Variants in GAB2 observed in about 807,000 individuals in gnomAD.
GAB2 encodes the protein GRB2 associated binding protein 2, also known as GRB2-associated-binding protein 2.
In GAB2, 26 loss-of-function variants were observed where a neutral mutation model predicts 65.5. The ratio of observed to expected loss-of-function variants is 0.40; its 90% confidence interval spans 0.29 to 0.55. GAB2 has a LOEUF of 0.55. Ranked by LOEUF, GAB2 falls within the 20% of genes least tolerant of loss-of-function variation. The pLI, the probability that GAB2 is intolerant of heterozygous loss-of-function variation, is 0.53. For missense variants in GAB2, 884 were observed against 875.8 expected, an observed-to-expected ratio of 1.01 and a Z score of -0.12; for synonymous variants, 321 against 329.6, an observed-to-expected ratio of 0.97 and a Z score of 0.28.
At chr11:78,394,412 C>T (rs1027835972) in intron 1 of GAB2, among the ~76,000 whole-genome samples, 1 of 152,208 alleles carries the variant, frequency 6.6e-6, no homozygotes, top group Non-Finnish European at 1.5e-5. Flanking sequence ...GAGGGGAAAT[C>T]TTGGATTCCC....
intron 1 of GAB2, among the ~76,000 whole-genome samples, chr11:78,374,657 T>C (rs1386637426): frequency 6.6e-6 from 1 of 152,232 alleles, no homozygotes; most frequent in Non-Finnish European, 1.5e-5. Flanking sequence ...CTTTAAGGGT[T>C]TGATATTTTA....
At chr11:78,346,486 C>T (rs951569128) in intron 1 of GAB2, among the ~76,000 whole-genome samples, 13 of 151,654 alleles carry the variant, frequency 8.6e-5, no homozygotes, top group Admixed American at 3.3e-4. Context: ...GGGTGATTTG[C>T]TAGCTATGTA....
intron 1 of GAB2, among the ~76,000 whole-genome samples, chr11:78,403,903 CTT>C (rs1036825158): frequency 6.6e-6 from 1 of 151,336 alleles, no homozygotes; most frequent in Non-Finnish European, 1.5e-5. Flanking sequence ...GCATTCAGTT[CTT>C]TTTTTTTGTA....
chr11:78,235,235 C>T (rs976642880), intron 3 of GAB2, among the ~76,000 whole-genome samples: 2 of 151,920 alleles, frequency 1.3e-5, no homozygotes, highest in Non-Finnish European at 2.9e-5. Flanking sequence ...TCACTGCAAG[C>T]TCCGCCTCCC....
intron 1 of GAB2, among the ~76,000 whole-genome samples, chr11:78,398,724 C>T (rs554970000): frequency 1.1e-3 from 164 of 152,314 alleles, no homozygotes; most frequent in African/African-American, 3.5e-3. Flanking sequence ...AATTAGCACC[C>T]TTAGTGCCCA....
In GAB2 at chr11:78,416,316, G is replaced by C. The variant is rs1338595832; in HGVS notation, c.75+1330C>G. ...CCAGCAAACATCTACCTAAGAGCCT[G>C]ATTTCATTGACACACACTTGTACTC... On this transcript the variant is annotated intron_variant, in intron 1 of 9. Transcript: ENST00000361507. Among the ~76,000 whole-genome samples, 3 of 152,146 alleles carry C rather than the reference G, an allele frequency of 2.0e-5. No individual in the cohort carries two copies. In the South Asian group the frequency reaches 6.2e-4, roughly 32 times the overall value.
chr11:78,262,982 C>G (rs575134539), intron 2 of GAB2, among the ~76,000 whole-genome samples: 1 of 152,320 alleles, frequency 6.6e-6, no homozygotes, highest in South Asian at 2.1e-4. Flanking sequence ...AACAGCAAAG[C>G]TGAGTAGTTG....
intron 3 of GAB2, among the ~76,000 whole-genome samples, chr11:78,228,154 A>T (rs1252867484): frequency 2.0e-5 from 3 of 152,172 alleles, no homozygotes; most frequent in African/African-American, 7.2e-5. Context: ...ATGATTTCTA[A>T]GGGCCCATCT....
intron 3 of GAB2, among the ~76,000 whole-genome samples, chr11:78,235,847 C>CA (rs769035706): frequency 6.6e-6 from 1 of 152,190 alleles, no homozygotes; most frequent in Non-Finnish European, 1.5e-5. Context: ...CTGAGCCCTC[C>CA]AAACTGTTCC....
chr11:78,374,627 A>T (rs1856610677), intron 1 of GAB2, among the ~76,000 whole-genome samples: 1 of 152,260 alleles, frequency 6.6e-6, no homozygotes, highest in African/African-American at 2.4e-5. Context: ...TAAAAATACA[A>T]AGATGAATAC....
chr11:78,246,728 A>T (rs1220139456), intron 3 of GAB2, among the ~76,000 whole-genome samples: 1 of 152,078 alleles, frequency 6.6e-6, no homozygotes, highest in Non-Finnish European at 1.5e-5. Context: ...TCAACTCCTG[A>T]CCTCAGGTGA....
At chr11:78,239,923 T>C (rs1214638781) in intron 3 of GAB2, among the ~76,000 whole-genome samples, 1 of 152,088 alleles carries the variant, frequency 6.6e-6, no homozygotes, top group African/African-American at 2.4e-5. Flanking sequence ...CATGGCTCCC[T>C]TTCATTCCTG....
chr11:78,275,784 ATATATATC>A (rs933096499), intron 2 of GAB2, among the ~76,000 whole-genome samples: 26 of 152,292 alleles, frequency 1.7e-4, no homozygotes, highest in Admixed American at 1.2e-3. Flanking sequence ...ACACACACAG[ATATATATC>A]TATATATCTA....
chr11:78,265,689 T>C lies in GAB2; in HGVS notation c.376+14912A>G, dbSNP rs540314858. On this transcript the variant is annotated intron_variant, in intron 2 of 9. Transcript: ENST00000361507. ...ATCATCTCTTTTGAGCTTTTCTTCA[T>C]TTTTTTGTTTTTCATTGTACTTTAT... is the stretch of plus-strand genomic sequence containing the variant. Among the ~76,000 whole-genome samples the C allele has an allele frequency of 3.3e-5, 5 of 152,320 alleles. No homozygotes were observed. The South Asian group carries it at 1.0e-3, about 32-fold the overall frequency.
intron 1 of GAB2, among the ~76,000 whole-genome samples, chr11:78,410,358 G>C (rs958580050): frequency 6.6e-6 from 1 of 152,100 alleles, no homozygotes; most frequent in African/African-American, 2.4e-5. Context: ...ACAAAAATCA[G>C]CTGGGCATTG....
chr11:78,353,855 C>A (rs1856317361), intron 1 of GAB2, among the ~76,000 whole-genome samples: 2 of 152,140 alleles, frequency 1.3e-5, no homozygotes, highest in African/African-American at 4.8e-5. Context: ...TTTATATTAT[C>A]AGATAACTCC....
At chr11:78,369,960 T>C (rs942354484) in intron 1 of GAB2, among the ~76,000 whole-genome samples, 13 of 152,044 alleles carry the variant, frequency 8.6e-5, no homozygotes, top group Admixed American at 3.3e-4. Context: ...ATCTTTCCTT[T>C]AAAAAAGAAA....
chr11:78,328,039 C>T (rs1365818885), intron 1 of GAB2, among the ~76,000 whole-genome samples: 1 of 152,114 alleles, frequency 6.6e-6, no homozygotes, highest in East Asian at 1.9e-4. Context: ...GTGGGAAAGT[C>T]GTGGTGGGCT....
intron 1 of GAB2, among the ~76,000 whole-genome samples, chr11:78,331,020 C>T (rs74407328): frequency 2.4e-3 from 359 of 151,714 alleles, no homozygotes; most frequent in African/African-American, 8.3e-3. Context: ...CTAAAAAATA[C>T]AAAAATTACC....
Sources: allele counts gnomAD v4.1 joint callset (sites outside exome capture counted in the v4.1 genomes callset), GRCh38; gene constraint gnomAD v4.1.1; transcripts MANE v1.5; gene names NCBI Gene and HGNC (gene_info 2026-07-23, HGNC 2026-07-21).